The following PLXNA2 variants were observed in gnomAD, a reference collection of about 807,000 sequenced individuals.
PLXNA2 encodes plexin-A2.
A neutral mutation model predicts 193.5 loss-of-function variants in PLXNA2; 91 were observed. The observed-to-expected ratio is 0.47, with a 90% CI of 0.40 to 0.56. PLXNA2 has a LOEUF of 0.56. Ranked by LOEUF, PLXNA2 falls within the 20% of genes least tolerant of loss-of-function variation. The pLI, the probability that PLXNA2 is intolerant of heterozygous loss-of-function variation, is 0.00. For synonymous variants in PLXNA2, 997 were observed against 1,027.3 expected (o/e 0.97, Z 0.56); for missense variants, 1,995 against 2,503.2 (o/e 0.80, Z 4.33).
intron 12 of PLXNA2, among the ~76,000 whole-genome samples, chr1:208,064,384 G>A (rs1665718206): frequency 6.6e-6 from 1 of 152,220 alleles, no homozygotes; most frequent in South Asian, 2.1e-4. Context: ...TAATTCCTAA[G>A]GCTGGCCTGG....
intron 9 of PLXNA2, among the ~76,000 whole-genome samples, chr1:208,085,841 C>T (rs1666502239): frequency 6.6e-6 from 1 of 152,246 alleles, no homozygotes; most frequent in Non-Finnish European, 1.5e-5. Context: ...GGATCTGCCT[C>T]TGGCCCTTTG....
rs1572005272 is a variant in PLXNA2 at position 208,181,785 on chromosome 1, G to T, written c.1371+28495C>A. Among the ~76,000 whole-genome samples the T allele has an allele frequency of 2.0e-5, 3 of 152,340 alleles. No homozygotes were observed. The South Asian group carries it at 6.2e-4, about 32-fold the overall frequency. On this transcript the variant is annotated intron_variant, in intron 3 of 31. Transcript: ENST00000367033. ...TGAGGTCCAGGGATGGGAAGTGGCGGAATACAGAGCGATAGGAGGAGAAGC... is the reference window on the plus strand; with the variant it reads ...TGAGGTCCAGGGATGGGAAGTGGCGTAATACAGAGCGATAGGAGGAGAAGC...
intron 28 of PLXNA2, among the ~76,000 whole-genome samples, chr1:208,032,905 G>A (rs929267040): frequency 6.6e-6 from 1 of 152,216 alleles, no homozygotes; most frequent in African/African-American, 2.4e-5. Context: ...CCTCTGAAGT[G>A]AAACAGTAGT....
At chr1:208,233,822 T>C (rs1037446700) in intron 1 of PLXNA2, among the ~76,000 whole-genome samples, 2 of 152,182 alleles carry the variant, frequency 1.3e-5, no homozygotes, top group African/African-American at 4.8e-5. Flanking sequence ...AGCTTGGCCT[T>C]GCCAGAGCCA....
chr1:208,124,450 G>T (rs113594648), intron 4 of PLXNA2, among the ~76,000 whole-genome samples: 1 of 151,616 alleles, frequency 6.6e-6, no homozygotes, highest in African/African-American at 2.4e-5. Context: ...AAGCCGAAGC[G>T]GGCAGATCAC....
rs897538831 is a variant in PLXNA2 at position 208,086,623 on chromosome 1, C to T, written c.2098-2043G>A. The stretch of plus-strand genomic sequence containing the variant: ...GCCACCTGCATGTGAGGACTCCAGG[C>T]AGGCACGGCATCCACGAGAGAGAAT... On this transcript the variant is annotated intron_variant, in intron 9 of 31. Transcript: ENST00000367033. Among the ~76,000 whole-genome samples, 8 of 152,102 alleles carry T rather than the reference C, an allele frequency of 5.3e-5. No individual in the cohort carries two copies. In the South Asian group the frequency reaches 1.7e-3, roughly 32 times the overall value.
chr1:208,095,098 T>C (rs1460945744), intron 8 of PLXNA2, among the ~76,000 whole-genome samples: 2 of 152,178 alleles, frequency 1.3e-5, no homozygotes. Context: ...CCTCCTCTGA[T>C]ATGGAGCTGT....
At chr1:208,137,651 A>C (rs900927875) in intron 4 of PLXNA2, among the ~76,000 whole-genome samples, 7 of 152,206 alleles carry the variant, frequency 4.6e-5, no homozygotes, top group African/African-American at 1.7e-4. Context: ...GGATTGGGGA[A>C]TCAGTTCCCA....
chr1:208,080,308 G>A (rs1437258826), intron 11 of PLXNA2, among the ~76,000 whole-genome samples: 4 of 152,068 alleles, frequency 2.6e-5, no homozygotes, highest in African/African-American at 4.8e-5. Context: ...CATTTGGAGT[G>A]TGCAAACCCT....
intron 22 of PLXNA2, 102 bp downstream of exon 22, chr1:208,041,996 G>C: frequency 8.1e-7 from 1 of 1,235,268 alleles, no homozygotes; most frequent in Non-Finnish European, 1.1e-6. Context: ...CCCCTTCTGG[G>C]GAGTGGGCCT....
intron 1 of PLXNA2, among the ~76,000 whole-genome samples, chr1:208,220,683 C>A (rs1671301879): frequency 6.6e-6 from 1 of 151,744 alleles, no homozygotes; most frequent in Non-Finnish European, 1.5e-5. Context: ...ACCTCGTGAT[C>A]CACCTGCCTT....
At chr1:208,154,369 T>C (rs759607565) in intron 3 of PLXNA2, among the ~76,000 whole-genome samples, 4 of 152,172 alleles carry the variant, frequency 2.6e-5, no homozygotes, top group Non-Finnish European at 4.4e-5. Flanking sequence ...GGCTCAACGG[T>C]AGGCAAAGTG....
chr1:208,102,083 T>G (rs1667114662), intron 5 of PLXNA2, among the ~76,000 whole-genome samples: 1 of 152,230 alleles, frequency 6.6e-6, no homozygotes, highest in Non-Finnish European at 1.5e-5. Flanking sequence ...TGCAAAACTT[T>G]CTGAGCAGTC....
chr1:208,163,506 TG>T (rs751484850), intron 3 of PLXNA2, among the ~76,000 whole-genome samples: 1 of 152,156 alleles, frequency 6.6e-6, no homozygotes, highest in Non-Finnish European at 1.5e-5. Context: ...CACCTTTGCC[TG>T]GGATGGCTGG....
chr1:208,120,455 T>C (rs1297041107), intron 4 of PLXNA2, among the ~76,000 whole-genome samples: 1 of 152,162 alleles, frequency 6.6e-6, no homozygotes, highest in African/African-American at 2.4e-5. Flanking sequence ...TTTCGGGTTC[T>C]TCATTAAGCA....
At chr1:208,226,290 C>T (rs965782054) in intron 1 of PLXNA2, among the ~76,000 whole-genome samples, 1 of 152,196 alleles carries the variant, frequency 6.6e-6, no homozygotes, top group Admixed American at 6.5e-5. Context: ...CCGGCTCCTC[C>T]TCCAGGCACA....
At chr1:208,054,062 T>C (rs1007583254) in intron 14 of PLXNA2, among the ~76,000 whole-genome samples, 1 of 152,214 alleles carries the variant, frequency 6.6e-6, no homozygotes, top group Non-Finnish European at 1.5e-5. Flanking sequence ...GCATCCTCAT[T>C]AGGCTAGAAT....
chr1:208,129,465 C>T (rs548575519), intron 4 of PLXNA2, among the ~76,000 whole-genome samples: 1 of 152,298 alleles, frequency 6.6e-6, no homozygotes, highest in South Asian at 2.1e-4. Context: ...GAAGGCTGCT[C>T]ACCTGCATGC....
intron 17 of PLXNA2, among the ~76,000 whole-genome samples, chr1:208,048,245 TC>T (rs1665142535): frequency 6.6e-6 from 1 of 152,180 alleles, no homozygotes; most frequent in Admixed American, 6.5e-5. Context: ...ACTCTGGCCC[TC>T]CTAGCTATCC....
Sources: gnomAD v4.1 joint callset for allele counts (sites outside exome capture counted in the v4.1 genomes callset) on GRCh38, gnomAD v4.1.1 for gene constraint, MANE v1.5 for transcripts, NCBI Gene and HGNC (gene_info 2026-07-23, HGNC 2026-07-21) for gene names.